PALM2AKAP2: variants seen among roughly 807,000 people sequenced by gnomAD.
The protein encoded by PALM2AKAP2 is PALM2-AKAP2 fusion protein.
Under a neutral mutation model 71.5 loss-of-function variants are expected in PALM2AKAP2, and 37 were observed. That is an observed-to-expected ratio of 0.52 (90% CI 0.40 to 0.68). PALM2AKAP2 has a LOEUF of 0.68. PALM2AKAP2 is among the 30% of genes least tolerant of loss of function. The probability of loss-of-function intolerance (pLI) is 0.00; values close to 1 mark genes in which losing one functional copy is unlikely to be tolerated. For missense variants in PALM2AKAP2, 1,224 were observed against 1,191.8 expected (o/e 1.03, Z -0.40); for synonymous variants, 468 against 478.8 (o/e 0.98, Z 0.29).
chr9:110,106,040 C>T (rs555343611), intron 1 of PALM2AKAP2, among the ~76,000 whole-genome samples: 4 of 152,264 alleles, frequency 2.6e-5, no homozygotes, highest in South Asian at 2.1e-4. Context: ...TCTGACTTTG[C>T]ATAATATAAA....
chr9:109,842,438 T>C (rs1268718514), intron 1 of PALM2AKAP2, among the ~76,000 whole-genome samples: 1 of 152,220 alleles, frequency 6.6e-6, no homozygotes, highest in Non-Finnish European at 1.5e-5. Context: ...GATGTTTGAT[T>C]GCAATTTGCC....
chr9:109,696,183 T>A (rs966415682), intron 1 of PALM2AKAP2, among the ~76,000 whole-genome samples: 3 of 152,008 alleles, frequency 2.0e-5, no homozygotes, highest in African/African-American at 7.3e-5. Flanking sequence ...AAAAAAACTG[T>A]GAATATTTTT....
chr9:109,651,183 A>G (rs1378713249), intron 1 of PALM2AKAP2, among the ~76,000 whole-genome samples: 1 of 152,160 alleles, frequency 6.6e-6, no homozygotes, highest in Non-Finnish European at 1.5e-5. Flanking sequence ...GGAAGGCACC[A>G]GCAGGAGAAC....
chr9:110,014,817 T>A lies in PALM2AKAP2; in HGVS notation c.497-1137T>A, dbSNP rs1564260644. On this transcript the variant is annotated intron_variant, in intron 6 of 9. Coordinates refer to the PALM2AKAP2 transcript ENST00000302798. Reference sequence around the variant, plus strand: ...AAAAAAAAAAAAATGTATATATATATATATATATATATATATATATATATA... The same window carrying A: ...AAAAAAAAAAAAATGTATATATATAAATATATATATATATATATATATATA... Among the ~76,000 whole-genome samples, 6 of 60,906 alleles carry A rather than the reference T, an allele frequency of 9.9e-5. 1 individual carries two copies. The highest frequency in any genetic ancestry group is 5.3e-4 in the East Asian group (1 of 1,904). The allele number at this position is 60,906 out of a possible 152,430, so 40.0% of individuals were successfully genotyped here.
At chr9:110,078,175 G>T (rs1834365090) in intron 1 of PALM2AKAP2, among the ~76,000 whole-genome samples, 1 of 152,162 alleles carries the variant, frequency 6.6e-6, no homozygotes, top group Non-Finnish European at 1.5e-5. Flanking sequence ...CTATTTACTA[G>T]AACCAGCGGC....
At chr9:109,705,859 A>T (rs892609456) in intron 1 of PALM2AKAP2, among the ~76,000 whole-genome samples, 3 of 152,220 alleles carry the variant, frequency 2.0e-5, no homozygotes, top group African/African-American at 7.2e-5. Flanking sequence ...TAGAGATAAT[A>T]AAAGTTTCTT....
intron 1 of PALM2AKAP2, among the ~76,000 whole-genome samples, chr9:110,096,794 G>C (rs1752332): frequency 0.17 from 25,160 of 151,566 alleles, 2,809 homozygotes; most frequent in East Asian, 0.37. Context: ...GGGGGTTGGG[G>C]GGGGGTGAGT....
intron 1 of PALM2AKAP2, among the ~76,000 whole-genome samples, chr9:109,836,981 C>T (rs967062530): frequency 3.9e-5 from 6 of 152,230 alleles, no homozygotes; most frequent in Admixed American, 2.0e-4. Context: ...GAGAACTTCC[C>T]CAACATAGCA....
intron 1 of PALM2AKAP2, among the ~76,000 whole-genome samples, chr9:109,834,577 G>A (rs1253594990): frequency 6.6e-6 from 1 of 152,024 alleles, no homozygotes; most frequent in Non-Finnish European, 1.5e-5. Context: ...ACAGGGTCCA[G>A]CCCAAGGCTC....
intron 1 of PALM2AKAP2, among the ~76,000 whole-genome samples, chr9:109,734,061 T>A (rs992813187): frequency 2.0e-5 from 3 of 152,232 alleles, no homozygotes; most frequent in Non-Finnish European, 4.4e-5. Flanking sequence ...TAACCTTGAC[T>A]TAAAGTAAGC....
At chr9:109,687,518 C>A (rs1161038371) in intron 1 of PALM2AKAP2, among the ~76,000 whole-genome samples, 1 of 152,194 alleles carries the variant, frequency 6.6e-6, no homozygotes, top group African/African-American at 2.4e-5. Context: ...CTGCTGGCTT[C>A]CAACCTTTTT....
chr9:109,804,057 G>C (rs1015399620), intron 1 of PALM2AKAP2, among the ~76,000 whole-genome samples: 1 of 152,196 alleles, frequency 6.6e-6, no homozygotes, highest in African/African-American at 2.4e-5. Flanking sequence ...TCTGACAGCT[G>C]AATCGAATGG....
intron 6 of PALM2AKAP2, among the ~76,000 whole-genome samples, chr9:109,996,528 A>T (rs1832578540): frequency 6.6e-6 from 1 of 152,268 alleles, no homozygotes; most frequent in African/African-American, 2.4e-5. Context: ...CTCATTTTAA[A>T]CAATGTACCA....
intron 1 of PALM2AKAP2, among the ~76,000 whole-genome samples, chr9:110,109,023 A>C (rs1361298499): frequency 6.6e-6 from 1 of 152,124 alleles, no homozygotes; most frequent in Non-Finnish European, 1.5e-5. Flanking sequence ...ACGTTGTTAA[A>C]ACTTCAGAAA....
intron 1 of PALM2AKAP2, among the ~76,000 whole-genome samples, chr9:109,733,716 G>A (rs1029884728): frequency 2.0e-5 from 3 of 152,160 alleles, no homozygotes; most frequent in African/African-American, 7.2e-5. Flanking sequence ...TTTAATCACA[G>A]CATTTAATGT....
chr9:109,922,067 TC>T (rs896939591), intron 3 of PALM2AKAP2, among the ~76,000 whole-genome samples: 1 of 151,918 alleles, frequency 6.6e-6, no homozygotes, highest in Non-Finnish European at 1.5e-5. Context: ...AAAACCCCAC[TC>T]TGAACTCCTT....
chr9:110,050,006 C>A (rs182704727), intron 1 of PALM2AKAP2, among the ~76,000 whole-genome samples: 25 of 152,364 alleles, frequency 1.6e-4, no homozygotes, highest in African/African-American at 6.0e-4. Context: ...AAGCCCGTTT[C>A]CCGTGTGGGG....
intron 1 of PALM2AKAP2, among the ~76,000 whole-genome samples, chr9:109,830,184 C>A (rs543370865): frequency 6.6e-6 from 1 of 152,286 alleles, no homozygotes; most frequent in African/African-American, 2.4e-5. Flanking sequence ...CTTTGTGAGA[C>A]AGTGTTGTTG....
At chr9:109,682,107 C>G (rs949451659) in intron 1 of PALM2AKAP2, among the ~76,000 whole-genome samples, 1 of 152,148 alleles carries the variant, frequency 6.6e-6, no homozygotes, top group African/African-American at 2.4e-5. Flanking sequence ...CAACTTTATT[C>G]TCTTGGACCA....
Sources: gnomAD v4.1 joint callset for allele counts (sites outside exome capture counted in the v4.1 genomes callset) on GRCh38, gnomAD v4.1.1 for gene constraint, MANE v1.5 for transcripts, NCBI Gene and HGNC (gene_info 2026-07-23, HGNC 2026-07-21) for gene names.